Variants in SYNE2 observed in about 807,000 individuals in gnomAD.
SYNE2 encodes the protein spectrin repeat containing nuclear envelope protein 2.
Under a neutral mutation model 856.3 loss-of-function variants are expected in SYNE2, and 431 were observed. That is an observed-to-expected ratio of 0.50 (90% CI 0.47 to 0.55). The LOEUF (loss-of-function observed/expected upper bound fraction) is 0.55, where lower values mean the gene tolerates loss of function less well. Ranked by LOEUF, SYNE2 falls within the 20% of genes least tolerant of loss-of-function variation. The probability of loss-of-function intolerance (pLI) is 0.00; values close to 1 mark genes in which losing one functional copy is unlikely to be tolerated. For synonymous variants in SYNE2, 2,923 were observed against 2,872.3 expected (o/e 1.02, Z -0.56); for missense variants, 8,129 against 8,023.2 (o/e 1.01, Z -0.50).
intron 1 of SYNE2, among the ~76,000 whole-genome samples, chr14:63,845,347 C>G (rs1890192763): frequency 6.7e-6 from 1 of 150,326 alleles, no homozygotes; most frequent in Non-Finnish European, 1.5e-5. Context: ...ACCCAGGAGG[C>G]AGAGGTTGCA....
chr14:63,872,103 A>G (rs562914316), intron 1 of SYNE2, among the ~76,000 whole-genome samples: 1 of 152,106 alleles, frequency 6.6e-6, no homozygotes, highest in Non-Finnish European at 1.5e-5. Context: ...CCAGCCTAAT[A>G]TTAGTCCTAT....
Position 64,225,474 on chromosome 14 carries a change from C to T in SYNE2, c.20672C>T (p.Ala6891Val). ...DYSCTQANNFARSFYPMLRYT... is the reference protein window; with the variant it reads ...DYSCTQANNFVRSFYPMLRYT... Reference sequence around the variant, plus strand: ...AGCTGCACTCAGGCCAACAACTTTGCCCGGTCCTTTTACCCCATGCTGAGG... The same window carrying T: ...AGCTGCACTCAGGCCAACAACTTTGTCCGGTCCTTTTACCCCATGCTGAGG... Residue 6891 changes from alanine (A) to valine (V), a missense_variant, in exon 116 of 116, where the codon GCC (alanine) becomes GTC (valine). Ala to Val is a moderately conservative substitution (Grantham distance 64). This residue lies in a region of SYNE2 where 5,410 missense variants were observed against 5,284.8 expected (regional missense o/e 1.02). Transcript: ENST00000555002. 6.2e-7 allele frequency: 1 copy of T among 1,614,236 alleles called. No individual in the cohort carries two copies. The highest frequency in any genetic ancestry group is 8.5e-7 in the Non-Finnish European group (1 of 1,180,044).
rs1271686911 is a variant in SYNE2, at chr14:63,909,161, C to G, written c.13C>G (p.Pro5Ala). 2 of 1,611,902 alleles carry G rather than the reference C, an allele frequency of 1.2e-6. No individual in the cohort carries two copies. The highest frequency in any genetic ancestry group is 2.2e-5 in the East Asian group (1 of 44,862). MASS[P>A]ELPTEDEQGS... is the part of the protein sequence containing the mutation. ...ATTGAGTCAAAGAATGGCATCTAGTCCTGAGCTTCCCACCGAAGATGAACA... is the reference window on the plus strand; with the variant it reads ...ATTGAGTCAAAGAATGGCATCTAGTGCTGAGCTTCCCACCGAAGATGAACA... The change falls in exon 2 of 116, where the codon CCT (proline) becomes GCT (alanine). Residue 5 changes from proline to alanine, a missense_variant. Physicochemically the swap from Pro to Ala is conservative, Grantham distance 27. Coordinates refer to ENST00000555002, the MANE Select transcript of SYNE2 (RefSeq NM_182914.3).
At chr14:63,859,993 G>A (rs1039268514) in intron 1 of SYNE2, among the ~76,000 whole-genome samples, 10 of 87,194 alleles carry the variant, frequency 1.1e-4, no homozygotes, top group East Asian at 7.9e-4. Context: ...TCCTTCCTTC[G>A]TTCCTACCAT....
At chr14:63,819,149 A>T (rs879656729) in intron 1 of SYNE2, among the ~76,000 whole-genome samples, 2 of 152,196 alleles carry the variant, frequency 1.3e-5, no homozygotes, top group East Asian at 1.9e-4. Flanking sequence ...TAAAAAAAAG[A>T]AAGTTACTAG....
rs1156877413 is a variant in SYNE2, at chr14:64,202,203, C to T, written c.18039-598C>T. ...CCCTTTTAGACGGACAGAGATGCCCCATAATCTACCCGCATGGGCTGGTTC... is the reference window on the plus strand; with the variant it reads ...CCCTTTTAGACGGACAGAGATGCCCTATAATCTACCCGCATGGGCTGGTTC... On this transcript the variant is annotated intron_variant, in intron 99 of 115. Coordinates refer to ENST00000555002, the MANE Select transcript of SYNE2 (RefSeq NM_182914.3). The T allele has an allele frequency of 1.1e-5, 8 of 702,366 alleles. No homozygotes were observed. In the Admixed American group the frequency reaches 1.6e-4, roughly 14 times the overall value. 43.5% of individuals were successfully genotyped at this position (702,366 alleles called of 1,614,324 possible).
chr14:64,179,565 G>A (rs146977938), intron 96 of SYNE2, among the ~76,000 whole-genome samples: 52 of 152,294 alleles, frequency 3.4e-4, no homozygotes, highest in Middle Eastern at 3.4e-3. Context: ...TATCCCTTCT[G>A]TAGTCACTTG....
intron 107 of SYNE2, chr14:64,215,843 G>T: frequency 1.2e-6 from 1 of 812,894 alleles, no homozygotes; most frequent in East Asian, 5.4e-5. Flanking sequence ...ATCCCTATCT[G>T]CCATGGTGGG....
chr14:64,039,719 A>T (rs2097132538), intron 45 of SYNE2, among the ~76,000 whole-genome samples: 1 of 152,194 alleles, frequency 6.6e-6, no homozygotes, highest in Non-Finnish European at 1.5e-5. Context: ...TTAAAATTAT[A>T]CTTTGTCTTG....
intron 111 of SYNE2, among the ~76,000 whole-genome samples, chr14:64,221,126 C>G (rs1032664576): frequency 2.0e-5 from 3 of 152,058 alleles, no homozygotes; most frequent in African/African-American, 7.2e-5. Flanking sequence ...TATGTATAAT[C>G]CTAGCCCAGT....
intron 1 of SYNE2, among the ~76,000 whole-genome samples, chr14:63,897,149 A>G (rs1226794875): frequency 6.6e-6 from 1 of 152,152 alleles, no homozygotes; most frequent in East Asian, 1.9e-4. Flanking sequence ...GCTACTTGGG[A>G]GGCTGAGGCA....
upstream of SYNE2, among the ~76,000 whole-genome samples, chr14:63,851,414 T>C (rs1041611391): frequency 1.3e-5 from 2 of 152,154 alleles, no homozygotes; most frequent in African/African-American, 4.8e-5. Context: ...TTTTGGTTTA[T>C]AGAGCTTTGT....
chr14:63,997,289 A>T lies in SYNE2; in HGVS notation c.3153-12A>T. On this transcript the variant is annotated splice_polypyrimidine_tract_variant and intron_variant, in intron 24 of 115. Transcript: ENST00000555002. ...ACCCTCTTTTAAACATGCAATTTTG[A>T]TTCCTTTCTAGGGGGACCATCACCA... 2 of 1,610,896 alleles carry T rather than the reference A, an allele frequency of 1.2e-6. No individual in the cohort carries two copies. Among genetic ancestry groups the T allele is most frequent in the Non-Finnish European group, 1.7e-6 (2 of 1,177,962 alleles).
At chr14:63,957,993 G>T (rs1016685727) in intron 8 of SYNE2, among the ~76,000 whole-genome samples, 3 of 151,960 alleles carry the variant, frequency 2.0e-5, no homozygotes, top group African/African-American at 7.3e-5. Context: ...AGTGAGCGGA[G>T]ATCGTGCCAC....
chr14:64,014,228 T>C (rs1034604577), intron 32 of SYNE2, among the ~76,000 whole-genome samples: 1 of 152,250 alleles, frequency 6.6e-6, no homozygotes, highest in African/African-American at 2.4e-5. Flanking sequence ...TGCTGAGCAG[T>C]ATTCCATGGT....
chr14:63,860,800 C>T (rs1354491479), intron 1 of SYNE2, among the ~76,000 whole-genome samples: 4 of 152,168 alleles, frequency 2.6e-5, no homozygotes, highest in African/African-American at 9.7e-5. Flanking sequence ...GTCAATGTCT[C>T]TTGCCACTTG....
chr14:64,183,942 C>T (rs1056742531), intron 96 of SYNE2, among the ~76,000 whole-genome samples: 7 of 93,372 alleles, frequency 7.5e-5, no homozygotes, highest in Non-Finnish European at 1.4e-4. Flanking sequence ...CAGAGGGAGA[C>T]GTGGAAAGAA....
intron 1 of SYNE2, among the ~76,000 whole-genome samples, chr14:63,787,796 A>T (rs1192281177): frequency 1.3e-5 from 2 of 152,182 alleles, no homozygotes; most frequent in Non-Finnish European, 2.9e-5. Context: ...ACAAGTGCCC[A>T]CTTGGACCCA....
intron 2 of SYNE2, among the ~76,000 whole-genome samples, chr14:63,937,279 G>A (rs749303707): frequency 3.9e-5 from 6 of 152,192 alleles, no homozygotes; most frequent in African/African-American, 9.6e-5. Context: ...CAAATGAAGC[G>A]ATGGCTGGTT....
Sources: allele counts gnomAD v4.1 joint callset (sites outside exome capture counted in the v4.1 genomes callset), GRCh38; gene constraint gnomAD v4.1.1; regional missense constraint gnomAD v4.1.1; transcripts MANE v1.5; gene names NCBI Gene and HGNC (gene_info 2026-07-23, HGNC 2026-07-21).